Variants in LRRC8A observed in about 807,000 individuals in gnomAD.
LRRC8A encodes the protein volume-regulated anion channel subunit LRRC8A.
Under a neutral mutation model 52.5 loss-of-function variants are expected in LRRC8A, and 24 were observed. The observed-to-expected ratio is 0.46, with a 90% CI of 0.33 to 0.64. LRRC8A has a LOEUF of 0.64. Among genes scored for constraint, LRRC8A ranks in the 30% least tolerant of loss-of-function variants. The probability of loss-of-function intolerance (pLI) is 0.02; values close to 1 mark genes in which losing one functional copy is unlikely to be tolerated. For synonymous variants in LRRC8A, 492 were observed against 494.2 expected (o/e 1.00, Z 0.06); for missense variants, 677 against 1,094.7 (o/e 0.62, Z 5.38).
Position 128,908,314 on chromosome 9 carries a change from C to T in LRRC8A, c.1150C>T (p.Pro384Ser). ...GCTGCACCTCATTGACCAATACGACCCGCTCTACTCCAAGCGCTTCGCCGT... is the reference window on the plus strand; with the variant it reads ...GCTGCACCTCATTGACCAATACGACTCGCTCTACTCCAAGCGCTTCGCCGT... ...FMLHLIDQYD[P>S]LYSKRFAVFL... is the part of the protein sequence containing the mutation. The change falls in exon 3 of 4, where the codon CCG becomes TCG. Residue 384 changes from proline to serine, a missense_variant. Pro to Ser is a moderately conservative substitution (Grantham distance 74). Around this residue, in one of 4 missense-constraint regions of LRRC8A, gnomAD observed 422 missense variants for 741.5 expected, o/e 0.57. Coordinates refer to ENST00000372600, the MANE Select transcript of LRRC8A (RefSeq NM_019594.4). The T allele has an allele frequency of 6.2e-7, 1 of 1,614,132 alleles. No individual in the cohort carries two copies. The highest frequency in any genetic ancestry group is 8.5e-7 in the Non-Finnish European group (1 of 1,180,036).
At position 128,892,103 on chromosome 9, in the gene LRRC8A, A is replaced by G. The variant is rs1167847612; in HGVS notation, c.-9+5982A>G. 1.3e-5 allele frequency among the ~76,000 whole-genome samples: 2 copies of G among 152,156 alleles called. No homozygotes were observed. Among genetic ancestry groups the G allele is most frequent in the Non-Finnish European group, 1.5e-5 (1 of 68,016 alleles). On this transcript the variant is annotated intron_variant, in intron 2 of 3. Coordinates refer to ENST00000372600, the MANE Select transcript of LRRC8A (RefSeq NM_019594.4). The surrounding 1 kb of genome is among the most constrained non-coding windows in gnomAD (Gnocchi z 5.2). ...ATAGACTTGTCAACCCATTTTACAG[A>G]TGAGGAAACCAGAGCCCAGCGAGGT...
chr9:128,917,073 G>T lies in LRRC8A; in HGVS notation c.*702G>T, dbSNP rs915626060. On this transcript the variant is annotated 3_prime_UTR_variant, in exon 4 of 4. Coordinates refer to ENST00000372600, the MANE Select transcript of LRRC8A (RefSeq NM_019594.4). ...AAAAAACAATTTTTTTAAAAAAAAA[G>T]CTTTGAAAATGGATGGTTTGGGTAT... 7.7e-6 allele frequency: 1 copy of T among 130,688 alleles called. No individual in the cohort carries two copies. Among genetic ancestry groups the T allele is most frequent in the East Asian group, 2.2e-4 (1 of 4,504 alleles). The allele number at this position is 130,688 out of a possible 1,614,324, so 8.1% of individuals were successfully genotyped here. A position where few individuals can be genotyped will look rare whatever the true frequency, so the allele number is the denominator to read the frequency against.
chr9:128,913,517 G>A (rs1290599984), intron 3 of LRRC8A, among the ~76,000 whole-genome samples: 1 of 152,148 alleles, frequency 6.6e-6, no homozygotes, highest in African/African-American at 2.4e-5. Flanking sequence ...GGGTGTGGCT[G>A]TGGTGGGAGC....
chr9:128,887,930 C>A (rs143336715), intron 2 of LRRC8A, among the ~76,000 whole-genome samples: 128 of 152,316 alleles, frequency 8.4e-4, no homozygotes, highest in African/African-American at 3.0e-3. Context: ...GCATGAGCCA[C>A]CGCGCCCGGC....
chr9:128,913,459 G>A (rs925493969), intron 3 of LRRC8A, among the ~76,000 whole-genome samples: 12 of 152,180 alleles, frequency 7.9e-5, no homozygotes, highest in African/African-American at 2.7e-4. Flanking sequence ...CAGGGCACGG[G>A]CCGGCGACAA....
intron 3 of LRRC8A, among the ~76,000 whole-genome samples, chr9:128,915,229 A>C (rs1840756538): frequency 6.6e-6 from 1 of 152,186 alleles, no homozygotes; most frequent in East Asian, 1.9e-4. Context: ...CTGGCACTGC[A>C]GGTAGTGCAG....
Position 128,909,219 on chromosome 9 carries a change from C to G in LRRC8A, c.2055C>G (p.Arg685=), listed in dbSNP as rs942553528. 6.8e-6 allele frequency: 11 copies of G among 1,614,072 alleles called. No individual in the cohort carries two copies. In the African/African-American group the frequency reaches 1.3e-4, roughly 20 times the overall value. ...EKIPTQLFYC[R]KLRYLDLSHN... is the part of the protein sequence containing the mutation. ...TCCCCACCCAGCTCTTCTACTGCCG[C>G]AAGCTGCGCTACCTGGACCTCAGCC... Residue 685 remains arginine, a synonymous_variant, in exon 3 of 4, where the codon CGC becomes CGG. Coordinates refer to ENST00000372600, the MANE Select transcript of LRRC8A (RefSeq NM_019594.4).
rs1840393834 is a variant in LRRC8A at position 128,909,274 on chromosome 9, A to G, written c.2110A>G (p.Ile704Val). Reference protein sequence around the residue: ...HNNLTFLPADIGLLQNLQNLA... With the variant: ...HNNLTFLPADVGLLQNLQNLA... ...CAACCTGACCTTCCTCCCTGCCGAC[A>G]TCGGCCTCCTGCAGAACCTCCAGAA... Residue 704 changes from isoleucine (I) to valine (V), a missense_variant, in exon 3 of 4, where the codon ATC (isoleucine) becomes GTC (valine). Coordinates refer to ENST00000372600, the MANE Select transcript of LRRC8A (RefSeq NM_019594.4). 1 of 1,613,970 alleles carries G rather than the reference A, an allele frequency of 6.2e-7. No homozygotes were observed. Among genetic ancestry groups the G allele is most frequent in the East Asian group, 2.2e-5 (1 of 44,886 alleles).
chr9:128,915,593 G>A (rs1023244433), intron 3 of LRRC8A, among the ~76,000 whole-genome samples: 1 of 152,212 alleles, frequency 6.6e-6, no homozygotes, highest in Non-Finnish European at 1.5e-5. Context: ...CCAAAGTGCT[G>A]GGATTACAGG....
intron 2 of LRRC8A, among the ~76,000 whole-genome samples, chr9:128,895,273 C>T (rs984456123): frequency 2.0e-5 from 3 of 152,042 alleles, no homozygotes; most frequent in East Asian, 1.9e-4. Context: ...CACTTGAACC[C>T]GGGAGGTGGA....
rs1840083091 is a variant in LRRC8A, at chr9:128,902,911, C to T, written c.-8-4246C>T. Among the ~76,000 whole-genome samples the T allele has an allele frequency of 6.6e-6, 1 of 152,124 alleles. No homozygotes were observed. Among genetic ancestry groups the T allele is most frequent in the Non-Finnish European group, 1.5e-5 (1 of 68,012 alleles). On this transcript the variant is annotated intron_variant, in intron 2 of 3. Transcript: ENST00000372600. The surrounding 1 kb of genome is among the most constrained non-coding windows in gnomAD (Gnocchi z 4.1). ...GGCGGGCGGTGGTGTCTGCTGGCCCCTTTGTGACCTGAGCGCTGGTAATGC... is the reference window on the plus strand; with the variant it reads ...GGCGGGCGGTGGTGTCTGCTGGCCCTTTTGTGACCTGAGCGCTGGTAATGC...
chr9:128,890,457 G>A (rs190836342), intron 2 of LRRC8A, among the ~76,000 whole-genome samples: 60 of 152,288 alleles, frequency 3.9e-4, no homozygotes, highest in Non-Finnish European at 6.9e-4. Flanking sequence ...CCTGGACGCC[G>A]TCAGAGTGCC....
At chr9:128,887,617 T>C (rs1270731947) in intron 2 of LRRC8A, among the ~76,000 whole-genome samples, 1 of 151,994 alleles carries the variant, frequency 6.6e-6, no homozygotes, top group African/African-American at 2.4e-5. Context: ...GATTCACAGT[T>C]TGCTTTTGTT....
intron 2 of LRRC8A, among the ~76,000 whole-genome samples, chr9:128,903,998 A>G (rs1840136064): frequency 6.6e-6 from 1 of 152,086 alleles, no homozygotes; most frequent in African/African-American, 2.4e-5. Context: ...ACTGCACCCC[A>G]GCCTGGGTGA....
intron 2 of LRRC8A, among the ~76,000 whole-genome samples, chr9:128,901,901 C>T (rs1224917741): frequency 6.6e-6 from 1 of 152,250 alleles, no homozygotes; most frequent in African/African-American, 2.4e-5. Context: ...TTGGTGCCTG[C>T]ACCCTCTTTC....
intron 2 of LRRC8A, among the ~76,000 whole-genome samples, chr9:128,898,715 A>C (rs1423360696): frequency 6.6e-6 from 1 of 152,232 alleles, no homozygotes; most frequent in African/African-American, 2.4e-5. Context: ...AGGCTCAGAG[A>C]GGTGAAGTCA....
chr9:128,882,441 A>C, intron 1 of LRRC8A, 191 bp downstream of exon 1: 6 of 325,488 alleles, frequency 1.8e-5, no homozygotes, highest in East Asian at 9.2e-5. Flanking sequence ...TCTCCGGGGC[A>C]CCACCTTCTC....
At chr9:128,905,039 G>A (rs1840189599) in intron 2 of LRRC8A, among the ~76,000 whole-genome samples, 1 of 151,514 alleles carries the variant, frequency 6.6e-6, no homozygotes. Flanking sequence ...CAGGCATGGT[G>A]GCACACACCT....
intron 1 of LRRC8A, among the ~76,000 whole-genome samples, chr9:128,885,794 A>G (rs926548615): frequency 6.6e-6 from 1 of 152,166 alleles, no homozygotes; most frequent in Admixed American, 6.5e-5. Flanking sequence ...CTGAAATCCC[A>G]TCTACTCGAG....
Sources: allele counts gnomAD v4.1 joint callset (sites outside exome capture counted in the v4.1 genomes callset), GRCh38; gene constraint gnomAD v4.1.1; regional missense constraint gnomAD v4.1.1; non-coding constraint Gnocchi (gnomAD v3.1); transcripts MANE v1.5; gene names NCBI Gene and HGNC (gene_info 2026-07-23, HGNC 2026-07-21).